The following PRKN variants were observed in gnomAD, a reference collection of about 807,000 sequenced individuals.
The protein encoded by PRKN is parkin RBR E3 ubiquitin protein ligase, also known as E3 ubiquitin-protein ligase parkin.
Under a neutral mutation model 59.5 loss-of-function variants are expected in PRKN, and 56 were observed. The observed-to-expected ratio is 0.94, with a 90% CI of 0.76 to 1.18. PRKN has a LOEUF of 1.18. Ranked by LOEUF, PRKN falls within the 50% of genes most tolerant of loss-of-function variation. PRKN has a pLI of 0.00. For missense variants in PRKN, 657 were observed against 596.4 expected, an observed-to-expected ratio of 1.10 and a Z score of -1.06; for synonymous variants, 250 against 222.1, an observed-to-expected ratio of 1.13 and a Z score of -1.12.
At chr6:162,237,245 T>C (rs531136485) in intron 3 of PRKN, among the ~76,000 whole-genome samples, 32 of 152,160 alleles carry the variant, frequency 2.1e-4, no homozygotes, top group Non-Finnish European at 4.4e-4. Flanking sequence ...ATGTGATTAT[T>C]AGAAAACAAA....
intron 1 of PRKN, among the ~76,000 whole-genome samples, chr6:162,592,181 T>C (rs577266139): frequency 1.6e-4 from 25 of 152,220 alleles, no homozygotes; most frequent in African/African-American, 6.0e-4. Context: ...GTATTTGCAG[T>C]AGAGACGAGG....
chr6:161,561,705 G>T lies in PRKN; in HGVS notation c.933+7650C>A, dbSNP rs932488707. 6.6e-6 allele frequency among the ~76,000 whole-genome samples: 1 copy of T among 152,012 alleles called. No homozygotes were observed. The highest frequency in any genetic ancestry group is 1.5e-5 in the Non-Finnish European group (1 of 68,000). ...AAGTACTTCCCTTCTTCAGTTCTTG[G>T]ATCTCTCTCTCAAATTACCGGTAAT... On this transcript the variant is annotated intron_variant, in intron 8 of 11. Coordinates refer to ENST00000366898, the MANE Select transcript of PRKN (RefSeq NM_004562.3). The surrounding 1 kb of genome is among the most constrained non-coding windows in gnomAD (Gnocchi z 5.0).
chr6:162,143,577 T>C (rs1781879052), intron 4 of PRKN, among the ~76,000 whole-genome samples: 1 of 152,200 alleles, frequency 6.6e-6, no homozygotes, highest in Non-Finnish European at 1.5e-5. Context: ...AGCAGGTGAA[T>C]ACAATTCATG....
intron 7 of PRKN, among the ~76,000 whole-genome samples, chr6:161,573,451 T>C (rs1309516062): frequency 6.6e-6 from 1 of 151,800 alleles, no homozygotes; most frequent in African/African-American, 2.4e-5. Flanking sequence ...CCAGGTGCGG[T>C]GGTTCACGCC....
At chr6:161,955,517 A>C (rs536016987) in intron 6 of PRKN, among the ~76,000 whole-genome samples, 37 of 152,314 alleles carry the variant, frequency 2.4e-4, no homozygotes, top group Non-Finnish European at 3.8e-4. Context: ...CATAGGAAAA[A>C]AAATTTCAAT....
intron 1 of PRKN, among the ~76,000 whole-genome samples, chr6:162,464,857 A>G (rs2128175598): frequency 6.6e-6 from 1 of 151,124 alleles, no homozygotes; most frequent in South Asian, 2.1e-4. Flanking sequence ...AAAAAAGAAA[A>G]AGAAAGAAAT....
intron 1 of PRKN, among the ~76,000 whole-genome samples, chr6:162,543,348 G>A (rs1259706688): frequency 6.6e-6 from 1 of 151,974 alleles, no homozygotes; most frequent in Non-Finnish European, 1.5e-5. Context: ...AGTCACATCG[G>A]CAAAAAATTC....
chr6:161,633,823 G>T (rs1194998149), intron 7 of PRKN, among the ~76,000 whole-genome samples: 2 of 152,086 alleles, frequency 1.3e-5, no homozygotes, highest in Non-Finnish European at 2.9e-5. Flanking sequence ...TTCTAACAGG[G>T]GACAAGATGC....
chr6:162,482,933 T>C (rs556588837), intron 1 of PRKN, among the ~76,000 whole-genome samples: 73 of 107,248 alleles, frequency 6.8e-4, no homozygotes, highest in Non-Finnish European at 1.0e-3. Context: ...ACTGATTCCA[T>C]TGTTGGACAG....
At chr6:162,680,056 A>C (rs1779711221) in intron 1 of PRKN, among the ~76,000 whole-genome samples, 1 of 151,916 alleles carries the variant, frequency 6.6e-6, no homozygotes, top group Non-Finnish European at 1.5e-5. Flanking sequence ...ATTTCCTTTC[A>C]TTAAAATGTT....
At chr6:161,958,390 T>C (rs544668230) in intron 6 of PRKN, among the ~76,000 whole-genome samples, 90 of 152,314 alleles carry the variant, frequency 5.9e-4, no homozygotes, top group Non-Finnish European at 6.9e-4. Context: ...AAGATACATT[T>C]TGACTATTTG....
At chr6:161,868,435 G>T (rs10945785) in intron 6 of PRKN, among the ~76,000 whole-genome samples, 63,484 of 151,458 alleles carry the variant, frequency 0.42, 14,117 homozygotes, top group Middle Eastern at 0.52. Flanking sequence ...AAAAAAATTA[G>T]CTGGGCATGG....
intron 5 of PRKN, among the ~76,000 whole-genome samples, chr6:162,017,358 A>G (rs555493641): frequency 6.6e-6 from 1 of 152,166 alleles, no homozygotes; most frequent in Non-Finnish European, 1.5e-5. Flanking sequence ...GACCCTTACC[A>G]CATAGAAACT....
At chr6:161,957,551 A>C (rs1265673396) in intron 6 of PRKN, among the ~76,000 whole-genome samples, 1 of 151,516 alleles carries the variant, frequency 6.6e-6, no homozygotes, top group Non-Finnish European at 1.5e-5. Context: ...CAGCCTCCCT[A>C]GTAGCTGGGA....
chr6:162,125,177 G>T (rs1158263305), intron 4 of PRKN, among the ~76,000 whole-genome samples: 1 of 152,108 alleles, frequency 6.6e-6, no homozygotes, highest in African/African-American at 2.4e-5. Flanking sequence ...CGGGAAAAAC[G>T]CTGCCAACAT....
At chr6:162,506,251 CAAAAA>C (rs10528135) in intron 1 of PRKN, among the ~76,000 whole-genome samples, 13,654 of 95,338 alleles carry the variant, frequency 0.14, 607 homozygotes, top group Middle Eastern at 0.2. Context: ...AAAGAGGAAG[CAAAAA>C]AAAAAAAAAA....
intron 1 of PRKN, among the ~76,000 whole-genome samples, chr6:162,723,381 C>T (rs1344552646): frequency 6.6e-6 from 1 of 152,180 alleles, no homozygotes; most frequent in African/African-American, 2.4e-5. Flanking sequence ...AGGAAATGGG[C>T]ACTCTTATAC....
At chr6:161,848,565 T>C (rs549806466) in intron 6 of PRKN, among the ~76,000 whole-genome samples, 4 of 152,340 alleles carry the variant, frequency 2.6e-5, no homozygotes, top group East Asian at 3.9e-4. Context: ...CTTTTAGAAA[T>C]ACGTCTCAGT....
chr6:161,946,410 ACACACT>A (rs751632955), intron 6 of PRKN, among the ~76,000 whole-genome samples: 80 of 95,286 alleles, frequency 8.4e-4, no homozygotes, highest in African/African-American at 2.2e-3. Context: ...ACACACACAC[ACACACT>A]CTCTCTCTCT....
Sources: allele counts gnomAD v4.1 joint callset (sites outside exome capture counted in the v4.1 genomes callset), GRCh38; gene constraint gnomAD v4.1.1; non-coding constraint Gnocchi (gnomAD v3.1); transcripts MANE v1.5; gene names NCBI Gene and HGNC (gene_info 2026-07-23, HGNC 2026-07-21).